Variants in LRCH1 observed in about 807,000 individuals in gnomAD.
The protein encoded by LRCH1 is leucine-rich repeat and calponin homology domain-containing protein 1.
A neutral mutation model predicts 94.9 loss-of-function variants in LRCH1; 23 were observed. The observed-to-expected ratio is 0.24, with a 90% CI of 0.17 to 0.34. LRCH1 has a LOEUF of 0.34. LRCH1 is among the 10% of genes least tolerant of loss of function. The pLI, the probability that LRCH1 is intolerant of heterozygous loss-of-function variation, is 1.00. For missense variants in LRCH1, 790 were observed against 945.9 expected, an observed-to-expected ratio of 0.84 and a Z score of 2.16; for synonymous variants, 364 against 354.9, an observed-to-expected ratio of 1.03 and a Z score of -0.29.
At chr13:46,751,276 G>A (rs751028865) in exon 19 of LRCH1, 11 of 151,844 alleles carry the variant, frequency 7.2e-5, no homozygotes, top group African/African-American at 1.2e-4. Flanking sequence ...TTTGGTGTGC[G>A]GTAGTTTAGG....
At position 46,705,319 on chromosome 13, in the gene LRCH1, A is replaced by G. The variant is rs842387; in HGVS notation, c.1527+15A>G. ...CGGTGTGTGAGGTAAGGCTGCTGGT[A>G]GATTCACCAGAACTCTGTGCAATAT... On this transcript the variant is annotated intron_variant, in intron 13 of 19. Coordinates refer to ENST00000389797, the MANE Select transcript of LRCH1 (RefSeq NM_001164211.2). 1,208,821 of 1,610,320 alleles carry G rather than the reference A, an allele frequency of 0.75. 456,016 individuals carry two copies. The highest frequency in any genetic ancestry group is 0.9 in the African/African-American group (67,344 of 74,884).
At chr13:46,554,191 A>C (rs1166237965) in intron 1 of LRCH1, among the ~76,000 whole-genome samples, 1 of 152,270 alleles carries the variant, frequency 6.6e-6, no homozygotes, top group Non-Finnish European at 1.5e-5. Flanking sequence ...GGGGAAACCC[A>C]GACAAAGGTG....
chr13:46,577,034 T>G (rs2050312050), intron 1 of LRCH1, among the ~76,000 whole-genome samples: 1 of 152,214 alleles, frequency 6.6e-6, no homozygotes, highest in Non-Finnish European at 1.5e-5. Flanking sequence ...GGTGGCCTTT[T>G]TTCTTTCAGG....
intron 1 of LRCH1, among the ~76,000 whole-genome samples, chr13:46,567,522 G>GTGTGTGTGTGTC (rs1174323106): frequency 3.3e-5 from 5 of 151,868 alleles, no homozygotes; most frequent in African/African-American, 1.2e-4. Flanking sequence ...GTGTGTGTGT[G>GTGTGTGTGTGTC]TGTGTTTTCC....
chr13:46,701,630 A>G (rs1442184430), intron 11 of LRCH1, among the ~76,000 whole-genome samples: 2 of 152,376 alleles, frequency 1.3e-5, no homozygotes, highest in Middle Eastern at 3.4e-3. Flanking sequence ...AGTGCCAAAT[A>G]TATGTTAACT....
intron 14 of LRCH1, among the ~76,000 whole-genome samples, chr13:46,712,319 A>C (rs1479261524): frequency 6.6e-6 from 1 of 152,202 alleles, no homozygotes; most frequent in Non-Finnish European, 1.5e-5. Context: ...AAACAAATTG[A>C]GTGGGTCACT....
intron 1 of LRCH1, among the ~76,000 whole-genome samples, chr13:46,647,931 C>T (rs538618268): frequency 1.1e-4 from 17 of 152,020 alleles, no homozygotes; most frequent in African/African-American, 3.9e-4. Flanking sequence ...CACCAGGGAC[C>T]GGTTTTGTGG....
intron 1 of LRCH1, among the ~76,000 whole-genome samples, chr13:46,623,173 G>A (rs568206232): frequency 2.0e-5 from 3 of 152,168 alleles, no homozygotes; most frequent in African/African-American, 7.2e-5. Context: ...ATATGAGCTG[G>A]GGACTTATCA....
chr13:46,585,383 C>T (rs999933387), intron 1 of LRCH1, among the ~76,000 whole-genome samples: 7 of 152,002 alleles, frequency 4.6e-5, no homozygotes, highest in African/African-American at 1.7e-4. Flanking sequence ...CAAGACCATT[C>T]TCGCTAACAC....
chr13:46,677,690 A>G (rs1349786009), intron 3 of LRCH1, among the ~76,000 whole-genome samples: 2 of 152,228 alleles, frequency 1.3e-5, no homozygotes, highest in Admixed American at 6.5e-5. Flanking sequence ...TTGGTTACCT[A>G]AAAACATGAT....
intron 1 of LRCH1, among the ~76,000 whole-genome samples, chr13:46,608,301 A>G (rs761529162): frequency 2.0e-5 from 3 of 152,134 alleles, no homozygotes; most frequent in Non-Finnish European, 4.4e-5. Context: ...TCATCATTAG[A>G]GCTGATTTGC....
intron 1 of LRCH1, among the ~76,000 whole-genome samples, chr13:46,648,058 A>G (rs1285587178): frequency 1.3e-5 from 2 of 152,170 alleles, no homozygotes; most frequent in Non-Finnish European, 2.9e-5. Context: ...TGAAATAATT[A>G]TATAACTCAC....
chr13:46,709,396 G>A (rs1407398685), intron 13 of LRCH1, among the ~76,000 whole-genome samples: 2 of 152,200 alleles, frequency 1.3e-5, no homozygotes, highest in African/African-American at 4.8e-5. Context: ...CTCTGCACAG[G>A]TCCTGTGCTC....
chr13:46,680,134 G>C (rs2051732004), intron 3 of LRCH1: 1 of 152,324 alleles, frequency 6.6e-6, no homozygotes, highest in South Asian at 2.1e-4. Context: ...GGAATCATTT[G>C]TATCTTTAGT....
At chr13:46,597,396 G>A (rs999348290) in intron 1 of LRCH1, among the ~76,000 whole-genome samples, 17 of 151,032 alleles carry the variant, frequency 1.1e-4, no homozygotes, top group African/African-American at 3.4e-4. Flanking sequence ...TACTCTTGTC[G>A]CCCAGGCTGG....
intron 1 of LRCH1, among the ~76,000 whole-genome samples, chr13:46,555,143 A>G (rs1441643428): frequency 6.6e-6 from 1 of 152,218 alleles, no homozygotes; most frequent in Non-Finnish European, 1.5e-5. Context: ...GGGAATTTCC[A>G]AAGTTGAGCT....
In LRCH1 at chr13:46,661,322, A is replaced by C. The variant is rs981288820; in HGVS notation, c.453-7708A>C. ...TTGTGTCTGAAAAGTGGGAGGTCTTAGTACTTATGTTACAAGATGGTTGTG... is the reference window on the plus strand; with the variant it reads ...TTGTGTCTGAAAAGTGGGAGGTCTTCGTACTTATGTTACAAGATGGTTGTG... On this transcript the variant is annotated intron_variant, in intron 2 of 19. Transcript: ENST00000389797. Among the ~76,000 whole-genome samples the C allele has an allele frequency of 2.0e-5, 3 of 152,224 alleles. No individual in the cohort carries two copies. In the South Asian group the frequency reaches 6.2e-4, roughly 31 times the overall value.
Position 46,743,424 on chromosome 13 carries a change from T to C in LRCH1, c.*1576T>C, listed in dbSNP as rs1873764585. ...GTGTTGATTGGTGAAATGCAGGGTATGTGGAAGTTATCTAATTAACCTCAG... is the reference window on the plus strand; with the variant it reads ...GTGTTGATTGGTGAAATGCAGGGTACGTGGAAGTTATCTAATTAACCTCAG... On this transcript the variant is annotated 3_prime_UTR_variant, in exon 20 of 20. Coordinates refer to ENST00000389797, the MANE Select transcript of LRCH1 (RefSeq NM_001164211.2). 1 of 985,766 alleles carries C rather than the reference T, an allele frequency of 1.0e-6. No homozygotes were observed. The highest frequency in any genetic ancestry group is 1.2e-6 in the Non-Finnish European group (1 of 829,938). 61.1% of individuals were successfully genotyped at this position (985,766 alleles called of 1,614,324 possible).
intron 1 of LRCH1, among the ~76,000 whole-genome samples, chr13:46,621,761 T>C (rs1028559455): frequency 6.6e-6 from 1 of 151,978 alleles, no homozygotes; most frequent in African/African-American, 2.4e-5. Context: ...AGAGAGTTAG[T>C]AGCTTCATTG....
Sources: allele counts gnomAD v4.1 joint callset (sites outside exome capture counted in the v4.1 genomes callset), GRCh38; gene constraint gnomAD v4.1.1; transcripts MANE v1.5; gene names NCBI Gene and HGNC (gene_info 2026-07-23, HGNC 2026-07-21).